The following PDE6B variants were observed in gnomAD, a reference collection of about 807,000 sequenced individuals.
PDE6B encodes the protein rod cGMP-specific 3',5'-cyclic phosphodiesterase subunit beta.
A neutral mutation model predicts 109.0 loss-of-function variants in PDE6B; 106 were observed. The observed-to-expected ratio is 0.97, with a 90% confidence interval of 0.83 to 1.14. The LOEUF is 1.14. PDE6B is among the 50% of genes most tolerant of loss of function. The probability of loss-of-function intolerance (pLI) is 0.00; values close to 1 mark genes in which losing one functional copy is unlikely to be tolerated. For synonymous variants in PDE6B, 490 were observed against 471.3 expected, an observed-to-expected ratio of 1.04 and a Z score of -0.51; for missense variants, 1,193 against 1,155.6, an observed-to-expected ratio of 1.03 and a Z score of -0.47.
Position 670,109 on chromosome 4 carries a change from C to A in PDE6B, c.*2C>A. 6.2e-7 allele frequency: 1 copy of A among 1,611,486 alleles called. No homozygotes were observed. The highest frequency in any genetic ancestry group is 8.5e-7 in the Non-Finnish European group (1 of 1,178,080). On this transcript the variant is annotated 3_prime_UTR_variant, in exon 22 of 22. Transcript: ENST00000496514. ...TCTTCAACCTGCTGTATCCTGTGAG[C>A]ACTGGTCCCATGGGGACCCTATGGC... is the stretch of plus-strand genomic sequence containing the variant.
intron 3 of PDE6B, among the ~76,000 whole-genome samples, chr4:641,117 C>T (rs1311782863): frequency 6.6e-6 from 1 of 152,186 alleles, no homozygotes; most frequent in Non-Finnish European, 1.5e-5. Flanking sequence ...ATCTGTAGAT[C>T]AAGTTGGGAA....
At chr4:659,884 G>A (rs1736858526) in intron 11 of PDE6B, among the ~76,000 whole-genome samples, 1 of 152,228 alleles carries the variant, frequency 6.6e-6, no homozygotes, top group Non-Finnish European at 1.5e-5. Flanking sequence ...GTCTGCCTAT[G>A]CAATTTAGCC....
Position 626,282 on chromosome 4 carries a change from C to T in PDE6B, c.468+188C>T, listed in dbSNP as rs542285171. On this transcript the variant is annotated intron_variant, in intron 1 of 21. Coordinates refer to ENST00000496514, the MANE Select transcript of PDE6B (RefSeq NM_000283.4). This position sits in a 1 kb window ranked among gnomAD's most constrained non-coding sequence, Gnocchi z 4.6. ...ACTGTGCCCTGGCCGCCTGCCTCTC[C>T]GACTCGGCTTCTGGCTCAAGCTGAC... Among the ~76,000 whole-genome samples the T allele has an allele frequency of 9.2e-5, 14 of 152,332 alleles. No homozygotes were observed. Among genetic ancestry groups the T allele is most frequent in the Non-Finnish European group, 1.8e-4 (12 of 68,034 alleles).
At position 634,833 on chromosome 4, in the gene PDE6B, A is replaced by G; in HGVS notation, c.621+4A>G. 3.7e-6 allele frequency: 6 copies of G among 1,613,334 alleles called. No individual in the cohort carries two copies. Among genetic ancestry groups the G allele is most frequent in the Non-Finnish European group, 5.1e-6 (6 of 1,179,456 alleles). On this transcript the variant is annotated splice_donor_region_variant and intron_variant, in intron 2 of 21. Transcript: ENST00000496514. ...CTTCACCAGCGAAGACGAAGATGTG[A>G]GTGTGGGGGGCACCTGGGCAGCCGC...
chr4:625,865 T>A lies in PDE6B; in HGVS notation c.239T>A (p.Leu80Gln). Reference sequence around the variant, plus strand: ...ATGGAGCGCGTGGTCTTCAAGGTCCTGCGGCGCCTCTGCACCCTCCTGCAG... The same window carrying A: ...ATGGAGCGCGTGGTCTTCAAGGTCCAGCGGCGCCTCTGCACCCTCCTGCAG... ...INMERVVFKVLRRLCTLLQAD... is the reference protein window; with the variant it reads ...INMERVVFKVQRRLCTLLQAD... Residue 80 changes from leucine (L) to glutamine (Q), a missense_variant, in exon 1 of 22, where the codon CTG (leucine) becomes CAG (glutamine). Transcript: ENST00000496514. The surrounding 1 kb of genome is among the most constrained non-coding windows in gnomAD (Gnocchi z 5.0). The A allele has an allele frequency of 6.2e-7, 1 of 1,610,658 alleles. No individual in the cohort carries two copies. Among genetic ancestry groups the A allele is most frequent in the South Asian group, 1.1e-5 (1 of 90,730 alleles).
intron 3 of PDE6B, among the ~76,000 whole-genome samples, chr4:640,490 G>C (rs1734896082): frequency 6.6e-6 from 1 of 152,090 alleles, no homozygotes; most frequent in African/African-American, 2.4e-5. Context: ...AGTGAGCTGA[G>C]ATCGCACCAT....
rs142740643 is a variant in PDE6B at position 630,676 on chromosome 4, A to G, written c.469-4001A>G. The stretch of plus-strand genomic sequence containing the variant: ...GGAAGGAGGAACGAGGGGCAACCTC[A>G]CTCAAAACCAGCTGCTCAGAGGAGC... On this transcript the variant is annotated intron_variant, in intron 1 of 21. Coordinates refer to ENST00000496514, the MANE Select transcript of PDE6B (RefSeq NM_000283.4). Among the ~76,000 whole-genome samples the G allele has an allele frequency of 4.9e-3, 751 of 152,322 alleles. 7 individuals carry two copies. The highest frequency in any genetic ancestry group is 0.014 in the African/African-American group (563 of 41,576).
chr4:653,933 C>T lies in PDE6B; in HGVS notation c.793C>T (p.Arg265Trp), dbSNP rs750845388. Residue 265 changes from arginine (R) to tryptophan (W), a missense_variant, in exon 4 of 22, where the codon CGG becomes TGG. Physicochemically the swap from Arg to Trp is moderately radical, Grantham distance 101. Transcript: ENST00000496514. ...RQFHKAFYTV[R>W]AYLNCERYSV... ...GTTCCACAAGGCCTTCTACACGGTG[C>T]GGGCCTACCTCAACTGCGAGCGGTA... is the stretch of plus-strand genomic sequence containing the variant. The T allele has an allele frequency of 9.3e-6, 15 of 1,613,546 alleles. No individual in the cohort carries two copies. Among genetic ancestry groups the T allele is most frequent in the East Asian group, 2.2e-5 (1 of 44,884 alleles).
Position 648,202 on chromosome 4 carries a change from C to G in PDE6B, c.712-5650C>G, listed in dbSNP as rs1213756565. ...CTAGGAAACTCCTTGTTTCCAGCCT[C>G]TCAGTCTGCAGGCATGTGGAGACCA... On this transcript the variant is annotated intron_variant, in intron 3 of 21. Coordinates refer to ENST00000496514, the MANE Select transcript of PDE6B (RefSeq NM_000283.4). The surrounding 1 kb of genome is among the most constrained non-coding windows in gnomAD (Gnocchi z 4.5). 6.6e-6 allele frequency among the ~76,000 whole-genome samples: 1 copy of G among 152,082 alleles called. No individual in the cohort carries two copies. Among genetic ancestry groups the G allele is most frequent in the African/African-American group, 2.4e-5 (1 of 41,318 alleles).
In PDE6B at chr4:657,456, C is replaced by T. The variant is rs769048468; in HGVS notation, c.1363C>T (p.His455Tyr). The part of the protein sequence containing the change: ...KDIAQDMVLY[H>Y]VKCDRDEIQL... ...CATCGCACAGGACATGGTCCTTTAC[C>T]ACGTGAAGTGCGACAGGGACGAGAT... is the stretch of plus-strand genomic sequence containing the variant. The change falls in exon 10 of 22, where the codon CAC (histidine) becomes TAC (tyrosine). Residue 455 changes from histidine to tyrosine, a missense_variant. His to Tyr is a moderately conservative substitution (Grantham distance 83). Coordinates refer to ENST00000496514, the MANE Select transcript of PDE6B (RefSeq NM_000283.4). The T allele has an allele frequency of 1.9e-6, 3 of 1,613,384 alleles. No individual in the cohort carries two copies. Among genetic ancestry groups the T allele is most frequent in the South Asian group, 1.1e-5 (1 of 91,082 alleles).
chr4:664,736 G>T, intron 17 of PDE6B, 145 bp from the exon 18 acceptor site: 1 of 750,278 alleles, frequency 1.3e-6, no homozygotes. Context: ...GAATCGGGAG[G>T]CGGAGGTTGC....
At position 663,949 on chromosome 4, in the gene PDE6B, G is replaced by A. The variant is rs921546734; in HGVS notation, c.2021+79G>A. ...CCCCGGCAGACACGGGGGCGCAGCGGCGGCACAGCCCGGGGGACGCAGCCC... is the reference window on the plus strand; with the variant it reads ...CCCCGGCAGACACGGGGGCGCAGCGACGGCACAGCCCGGGGGACGCAGCCC... On this transcript the variant is annotated intron_variant, in intron 16 of 21. Coordinates refer to ENST00000496514, the MANE Select transcript of PDE6B (RefSeq NM_000283.4). This position sits in a 1 kb window ranked among gnomAD's most constrained non-coding sequence, Gnocchi z 4.0. The A allele has an allele frequency of 9.4e-6, 11 of 1,166,052 alleles. No homozygotes were observed. The highest frequency in any genetic ancestry group is 8.0e-5 in the East Asian group (3 of 37,432). The allele number at this position is 1,166,052 out of a possible 1,614,324, so 72.2% of individuals were successfully genotyped here. A position where few individuals can be genotyped will look rare whatever the true frequency, so the allele number is the denominator to read the frequency against.
chr4:669,940 T>G (rs1738326395), intron 21 of PDE6B, 106 bp from the exon 22 acceptor site: 1 of 921,600 alleles, frequency 1.1e-6, no homozygotes, highest in African/African-American at 1.6e-5. Context: ...CCAGGTGCTG[T>G]CCTTCCTCCT....
chr4:638,790 G>T (rs1279655212), intron 3 of PDE6B, among the ~76,000 whole-genome samples: 2 of 152,170 alleles, frequency 1.3e-5, no homozygotes, highest in African/African-American at 2.4e-5. Flanking sequence ...TGTTTATCCT[G>T]CACCTTTCAC....
chr4:655,587 A>G, intron 6 of PDE6B: 5 of 407,218 alleles, frequency 1.2e-5, no homozygotes, highest in Non-Finnish European at 2.3e-5. Flanking sequence ...GAGGAGGAAG[A>G]AGGCAGCACA....
chr4:663,230 C>T lies in PDE6B; in HGVS notation c.1920+43C>T, dbSNP rs778259302. ...CGGTTTCTGCTGTGGGCGCTGGGGA[C>T]GCAGCGTCCGCAGGACGGCAGGGCC... On this transcript the variant is annotated intron_variant, in intron 15 of 21. Transcript: ENST00000496514. The surrounding 1 kb of genome is among the most constrained non-coding windows in gnomAD (Gnocchi z 4.0). 3 of 1,071,386 alleles carry T rather than the reference C, an allele frequency of 2.8e-6. No individual in the cohort carries two copies. The highest frequency in any genetic ancestry group is 2.5e-5 in the South Asian group (2 of 80,310). 66.4% of individuals were successfully genotyped at this position (1,071,386 alleles called of 1,614,324 possible). A position where few individuals can be genotyped will look rare whatever the true frequency, so the allele number is the denominator to read the frequency against.
chr4:652,622 A>G, intron 3 of PDE6B: 2 of 343,612 alleles, frequency 5.8e-6, no homozygotes, highest in South Asian at 2.3e-4. Flanking sequence ...AAGAATAAGA[A>G]TGTAAAACAA....
At chr4:639,635 T>G (rs1734853714) in intron 3 of PDE6B, among the ~76,000 whole-genome samples, 1 of 152,188 alleles carries the variant, frequency 6.6e-6, no homozygotes, top group Admixed American at 6.5e-5. Flanking sequence ...CAAGGGTGAC[T>G]AAGCCCTGCT....
Position 667,844 on chromosome 4 carries a change from G to A in PDE6B, c.2353-12G>A, listed in dbSNP as rs542561794. ...AGGACAGGACTGGTGGTGACTTCTC[G>A]ACTCCCCTCAGGAGTTCTCTCGTTT... On this transcript the variant is annotated splice_polypyrimidine_tract_variant and intron_variant, in intron 20 of 21. Transcript: ENST00000496514. The A allele has an allele frequency of 1.4e-5, 23 of 1,611,942 alleles. No individual in the cohort carries two copies. Among genetic ancestry groups the A allele is most frequent in the South Asian group, 5.5e-5 (5 of 90,922 alleles).
Sources: gnomAD v4.1 joint callset for allele counts (sites outside exome capture counted in the v4.1 genomes callset) on GRCh38, gnomAD v4.1.1 for gene constraint, Gnocchi (gnomAD v3.1) non-coding constraint, MANE v1.5 for transcripts, NCBI Gene and HGNC (gene_info 2026-07-23, HGNC 2026-07-21) for gene names.